Variants in MAD1L1 observed in about 807,000 individuals in gnomAD.
MAD1L1 encodes the protein mitotic spindle assembly checkpoint protein MAD1.
In MAD1L1, 95 loss-of-function variants were observed where a neutral mutation model predicts 96.9. The ratio of observed to expected loss-of-function variants is 0.98; its 90% CI spans 0.83 to 1.16. MAD1L1 has a LOEUF of 1.16. Ranked by LOEUF, MAD1L1 falls within the 50% of genes most tolerant of loss-of-function variation. MAD1L1 has a pLI of 0.00. For missense variants in MAD1L1, 1,007 were observed against 954.4 expected, an observed-to-expected ratio of 1.06 and a Z score of -0.73; for synonymous variants, 473 against 396.6, an observed-to-expected ratio of 1.19 and a Z score of -2.29.
At chr7:1,907,286 C>T (rs909825982) in intron 17 of MAD1L1, among the ~76,000 whole-genome samples, 11 of 152,226 alleles carry the variant, frequency 7.2e-5, no homozygotes, top group African/African-American at 2.2e-4. Flanking sequence ...CCCTGCACAG[C>T]TGCCACCGAG....
chr7:2,085,147 T>C (rs1173154345), intron 11 of MAD1L1, among the ~76,000 whole-genome samples: 1 of 152,206 alleles, frequency 6.6e-6, no homozygotes, highest in Non-Finnish European at 1.5e-5. Flanking sequence ...GCTCACATGC[T>C]AGCCACGGGT....
intron 12 of MAD1L1, among the ~76,000 whole-genome samples, chr7:2,042,646 A>AG (rs1783739252): frequency 6.6e-6 from 1 of 152,132 alleles, no homozygotes; most frequent in Non-Finnish European, 1.5e-5. Context: ...ATCCCGAGTG[A>AG]GGAGTGTTGT....
Position 1,894,546 on chromosome 7 carries a change from T to C in MAD1L1, c.1998+3654A>G, listed in dbSNP as rs146079678. On this transcript the variant is annotated intron_variant, in intron 18 of 18. Coordinates refer to ENST00000265854, the MANE Select transcript of MAD1L1 (RefSeq NM_001013836.2). ...GCCTCCGAAGTGAGCCACAGTTACT[T>C]CTACTCCACAGGTGAGGAGACTGAA... Among the ~76,000 whole-genome samples, 370 of 152,248 alleles carry C rather than the reference T, an allele frequency of 2.4e-3. 2 individuals carry two copies. The highest frequency in any genetic ancestry group is 8.4e-3 in the African/African-American group (350 of 41,526).
chr7:1,889,644 G>A (rs1055609009), intron 18 of MAD1L1, among the ~76,000 whole-genome samples: 14 of 152,234 alleles, frequency 9.2e-5, no homozygotes, highest in Non-Finnish European at 7.3e-5. Context: ...TGCGGCCTCC[G>A]TAGGCTCACC....
chr7:2,231,640 T>C (rs73041396), intron 1 of MAD1L1, among the ~76,000 whole-genome samples: 4,746 of 152,110 alleles, frequency 0.031, 114 homozygotes, highest in Middle Eastern at 0.054. Flanking sequence ...AAAAAAAATC[T>C]GGCCTCTGGG....
Position 1,952,154 on chromosome 7 carries a change from C to T in MAD1L1, c.1596+5475G>A, listed in dbSNP as rs114603478. On this transcript the variant is annotated intron_variant, in intron 16 of 18. Transcript: ENST00000265854. ...AGCTCCGATTAAAACAGACGCCCAA[C>T]TTCACCAGCACCTTCAGCCCTTGTG... 8.5e-3 allele frequency among the ~76,000 whole-genome samples: 1,295 copies of T among 152,336 alleles called. 14 individuals are homozygous for T. Among genetic ancestry groups the T allele is most frequent in the African/African-American group, 0.03 (1,256 of 41,570 alleles).
chr7:1,950,631 T>C (rs537614204), intron 16 of MAD1L1, among the ~76,000 whole-genome samples: 2 of 152,330 alleles, frequency 1.3e-5, no homozygotes, highest in South Asian at 2.1e-4. Flanking sequence ...AGCCCCTCAA[T>C]GTCTGCCCCC....
rs542062054 is a variant in MAD1L1, at chr7:2,155,099, T to C, written c.987-5861A>G. On this transcript the variant is annotated intron_variant, in intron 10 of 18. Transcript: ENST00000265854. Reference sequence around the variant, plus strand: ...GAGAGCCGCTCCTCCGGCTTGGGGCTTCTGTGGCCTGGCAAGAAGGCTTGC... The same window carrying C: ...GAGAGCCGCTCCTCCGGCTTGGGGCCTCTGTGGCCTGGCAAGAAGGCTTGC... Among the ~76,000 whole-genome samples the C allele has an allele frequency of 5.5e-4, 83 of 152,224 alleles. 1 individual carries two copies. Among genetic ancestry groups the C allele is most frequent in the African/African-American group, 1.9e-3 (79 of 41,550 alleles).
intron 10 of MAD1L1, among the ~76,000 whole-genome samples, chr7:2,180,216 G>C (rs56278027): frequency 1.3e-5 from 2 of 152,178 alleles, no homozygotes; most frequent in Non-Finnish European, 2.9e-5. Flanking sequence ...GCACAGGCTC[G>C]GAAAGGCCTG....
intron 18 of MAD1L1, among the ~76,000 whole-genome samples, chr7:1,859,198 C>G (rs568247558): frequency 5.9e-5 from 9 of 152,344 alleles, no homozygotes; most frequent in Admixed American, 6.5e-5. Context: ...CCTGCCTCCC[C>G]CTGGTGTGAA....
chr7:2,052,542 C>T (rs566364725), intron 12 of MAD1L1, among the ~76,000 whole-genome samples: 31 of 152,152 alleles, frequency 2.0e-4, no homozygotes, highest in Non-Finnish European at 3.4e-4. Flanking sequence ...AGGGAGGGCA[C>T]CTGACAGCTC....
chr7:2,001,943 G>A (rs952072296), intron 14 of MAD1L1, 122 bp downstream of exon 14: 7 of 1,013,290 alleles, frequency 6.9e-6, no homozygotes, highest in African/African-American at 6.3e-5. Flanking sequence ...CGCAGCTTCC[G>A]ACGACAGAAG....
Position 2,103,359 on chromosome 7 carries a change from G to A in MAD1L1, c.1074-34021C>T, listed in dbSNP as rs892390095. Among the ~76,000 whole-genome samples the A allele has an allele frequency of 3.9e-5, 6 of 152,274 alleles. No homozygotes were observed. Among genetic ancestry groups the A allele is most frequent in the East Asian group, 1.9e-4 (1 of 5,166 alleles). On this transcript the variant is annotated intron_variant, in intron 11 of 18. Transcript: ENST00000265854. The surrounding 1 kb of genome is among the most constrained non-coding windows in gnomAD (Gnocchi z 4.3). The stretch of plus-strand genomic sequence containing the variant: ...AAGGCCTGGGCCTGCCTGCCCCGCC[G>A]CTCAGTAGACGGCACATGGGACATC...
intron 4 of MAD1L1, 61 bp from the exon 5 acceptor site, chr7:2,222,815 C>G (rs1196127641): frequency 6.0e-6 from 8 of 1,338,836 alleles, no homozygotes; most frequent in African/African-American, 2.9e-5. Flanking sequence ...GCGGGGAGCC[C>G]TCACCCCCAC....
chr7:2,111,185 C>T (rs1033144875), intron 11 of MAD1L1, among the ~76,000 whole-genome samples: 3 of 152,200 alleles, frequency 2.0e-5, no homozygotes, highest in African/African-American at 4.8e-5. Context: ...CCACTGTGCC[C>T]GCCCCTCGCT....
chr7:2,219,611 G>A (rs1372919289), intron 5 of MAD1L1, among the ~76,000 whole-genome samples, 155 bp from the exon 6 acceptor site: 2 of 147,894 alleles, frequency 1.4e-5, no homozygotes, highest in Non-Finnish European at 3.0e-5. Flanking sequence ...GGGGCAGAGG[G>A]GCATCGGGCA....
chr7:2,140,510 A>G (rs1161973700), intron 11 of MAD1L1, among the ~76,000 whole-genome samples: 1 of 152,240 alleles, frequency 6.6e-6, no homozygotes, highest in Admixed American at 6.5e-5. Context: ...GAGAAGGGAG[A>G]AAAGAAGCCA....
At chr7:2,110,122 C>T (rs1465994696) in intron 11 of MAD1L1, among the ~76,000 whole-genome samples, 14 of 152,270 alleles carry the variant, frequency 9.2e-5, no homozygotes, top group Admixed American at 9.2e-4. Context: ...TAAGGCTCCC[C>T]TCCACTGATC....
intron 10 of MAD1L1, among the ~76,000 whole-genome samples, chr7:2,199,129 A>G (rs1792149209): frequency 6.6e-6 from 1 of 152,232 alleles, no homozygotes; most frequent in Non-Finnish European, 1.5e-5. Context: ...CTGCACGGAG[A>G]TGCCCCACAG....
Sources: gnomAD v4.1 joint callset for allele counts (sites outside exome capture counted in the v4.1 genomes callset) on GRCh38, gnomAD v4.1.1 for gene constraint, Gnocchi (gnomAD v3.1) non-coding constraint, MANE v1.5 for transcripts, NCBI Gene and HGNC (gene_info 2026-07-23, HGNC 2026-07-21) for gene names.